The following HMG20A variants were observed in gnomAD, a reference collection of about 807,000 sequenced individuals.
HMG20A encodes the protein high mobility group 20A, also known as high mobility group protein 20A.
HMG20A carries 17 observed loss-of-function variants against 43.9 expected under a neutral mutation model. That is an observed-to-expected ratio of 0.39 (90% CI 0.27 to 0.58). The LOEUF (loss-of-function observed/expected upper bound fraction) is 0.58, where lower values mean the gene tolerates loss of function less well. Among genes scored for constraint, HMG20A ranks in the 20% least tolerant of loss-of-function variants. HMG20A has a pLI of 0.59. For missense variants in HMG20A, 341 were observed against 438.2 expected (o/e 0.78, Z 1.98); for synonymous variants, 132 against 147.5 (o/e 0.89, Z 0.76).
the HMG20A span, among the ~76,000 whole-genome samples, chr15:77,515,778 C>A: frequency 8.4e-4 from 128 of 152,236 alleles, no homozygotes; most frequent in Non-Finnish European, 1.6e-3. Flanking sequence ...ATTTGGGAAA[C>A]CTGAGACAGA....
intron 6 of HMG20A, among the ~76,000 whole-genome samples, chr15:77,474,287 T>G (rs1352235197): frequency 2.0e-5 from 3 of 152,190 alleles, no homozygotes; most frequent in Admixed American, 6.5e-5. Flanking sequence ...AGATCCTAAA[T>G]ACATACTTAT....
At position 77,433,623 on chromosome 15, in the gene HMG20A, A is replaced by G. The variant is rs60009961; in HGVS notation, c.-5+12619A>G. Among the ~76,000 whole-genome samples the G allele has an allele frequency of 1.3e-3, 202 of 152,370 alleles. 5 individuals are homozygous for G. The East Asian group carries it at 0.034, about 26-fold the overall frequency. ...CTATAGACAAACTATTAGAATTAAT[A>G]AGCAAACTTACACGAGCAACCAACA... On this transcript the variant is annotated intron_variant, in intron 1 of 9. Transcript: ENST00000336216.
intron 6 of HMG20A, among the ~76,000 whole-genome samples, chr15:77,477,163 C>T (rs1003512121): frequency 2.0e-5 from 3 of 152,172 alleles, no homozygotes; most frequent in Admixed American, 1.3e-4. Context: ...GAGCATTTTA[C>T]ATGCATAACC....
chr15:77,491,269 T>C, the HMG20A span, among the ~76,000 whole-genome samples: 1 of 152,166 alleles, frequency 6.6e-6, no homozygotes, highest in East Asian at 1.9e-4. Flanking sequence ...ACTCAGCAAA[T>C]GGGCTCCTGT....
At chr15:77,445,302 G>C (rs1455071889) in intron 1 of HMG20A, among the ~76,000 whole-genome samples, 8 of 152,222 alleles carry the variant, frequency 5.3e-5, no homozygotes, top group Non-Finnish European at 5.9e-5. Context: ...TAGAGGAACA[G>C]TGTTCCTTGA....
At chr15:77,438,495 T>C (rs1191745265) in intron 1 of HMG20A, among the ~76,000 whole-genome samples, 2 of 152,208 alleles carry the variant, frequency 1.3e-5, no homozygotes, top group East Asian at 1.9e-4. Context: ...ACAATATTAA[T>C]GTATTCACGT....
At chr15:77,444,021 C>A (rs888433954) in intron 1 of HMG20A, among the ~76,000 whole-genome samples, 21 of 152,090 alleles carry the variant, frequency 1.4e-4, no homozygotes, top group African/African-American at 5.1e-4. Context: ...TGTATCTATT[C>A]TTTTAATATA....
chr15:77,505,395 AG>A, the HMG20A span, among the ~76,000 whole-genome samples: 70 of 152,344 alleles, frequency 4.6e-4, no homozygotes, highest in Admixed American at 1.2e-3. Flanking sequence ...AGGATGGCCC[AG>A]TCACCAGATG....
chr15:77,492,314 T>C, the HMG20A span, among the ~76,000 whole-genome samples: 4 of 152,218 alleles, frequency 2.6e-5, no homozygotes, highest in African/African-American at 9.7e-5. Context: ...GTGATCTTGT[T>C]GGTGGCAAAG....
intron 2 of HMG20A, among the ~76,000 whole-genome samples, chr15:77,460,807 G>A (rs1054683925): frequency 4.6e-5 from 7 of 152,226 alleles, no homozygotes; most frequent in South Asian, 4.2e-4. Flanking sequence ...CCAACATGGT[G>A]AAACCCTGTC....
At chr15:77,450,572 A>T (rs2142311475) in intron 1 of HMG20A, among the ~76,000 whole-genome samples, 1 of 152,366 alleles carries the variant, frequency 6.6e-6, no homozygotes, top group Non-Finnish European at 1.5e-5. Flanking sequence ...TGCTACCAAT[A>T]AGAATCATTC....
intron 1 of HMG20A, 94 bp from the exon 2 acceptor site, chr15:77,458,310 T>C (rs1317435098): frequency 1.7e-5 from 13 of 756,792 alleles, no homozygotes; most frequent in South Asian, 4.9e-5. Context: ...GTTGCTTATA[T>C]GATAAAGTTC....
At chr15:77,431,513 GT>G (rs1175570972) in intron 1 of HMG20A, among the ~76,000 whole-genome samples, 4 of 151,550 alleles carry the variant, frequency 2.6e-5, no homozygotes, top group Non-Finnish European at 2.9e-5. Context: ...TGCCCAGCTG[GT>G]TTTTTTTGTT....
At chr15:77,449,514 T>C (rs1344538260) in intron 1 of HMG20A, among the ~76,000 whole-genome samples, 1 of 152,152 alleles carries the variant, frequency 6.6e-6, no homozygotes, top group Non-Finnish European at 1.5e-5. Context: ...TTTTCCTTCC[T>C]CCAGTTAAAT....
chr15:77,426,244 G>T lies in HMG20A; in HGVS notation c.-5+5240G>T, dbSNP rs192600723. 2.1e-4 allele frequency among the ~76,000 whole-genome samples: 32 copies of T among 152,200 alleles called. No individual in the cohort carries two copies. The East Asian group carries it at 5.4e-3, about 26-fold the overall frequency. ...ACAGTTGACACCTGAACAATGAGGG[G>T]GTTCGGGGTGCTAACCCCTGTGTTG... On this transcript the variant is annotated intron_variant, in intron 1 of 9. Coordinates refer to ENST00000336216, the MANE Select transcript of HMG20A (RefSeq NM_001304504.2).
chr15:77,495,805 C>T, the HMG20A span, among the ~76,000 whole-genome samples: 11 of 152,246 alleles, frequency 7.2e-5, no homozygotes, highest in African/African-American at 2.6e-4. Flanking sequence ...CCTAGAAGCC[C>T]CTCATCCAAG....
rs2072932401 is a variant in HMG20A, at chr15:77,484,628, A to G, written c.*1665A>G. 1 of 152,252 alleles carries G rather than the reference A, an allele frequency of 6.6e-6. No individual in the cohort carries two copies. The highest frequency in any genetic ancestry group is 1.5e-5 in the Non-Finnish European group (1 of 68,044). 9.4% of individuals were successfully genotyped at this position (152,252 alleles called of 1,614,324 possible). ...TTTAAAATGTCTTATATGAACATATATCAAATATCCATGCGCTGAAACCCA... is the reference window on the plus strand; with the variant it reads ...TTTAAAATGTCTTATATGAACATATGTCAAATATCCATGCGCTGAAACCCA... On this transcript the variant is annotated 3_prime_UTR_variant, in exon 10 of 10. Coordinates refer to ENST00000336216, the MANE Select transcript of HMG20A (RefSeq NM_001304504.2).
chr15:77,462,648 A>T (rs1217433768), intron 2 of HMG20A, among the ~76,000 whole-genome samples: 3 of 152,006 alleles, frequency 2.0e-5, no homozygotes, highest in Non-Finnish European at 1.5e-5. Flanking sequence ...ATTAATATTA[A>T]GTACATAATC....
intron 6 of HMG20A, among the ~76,000 whole-genome samples, chr15:77,477,062 A>G: frequency 6.6e-6 from 1 of 152,228 alleles, no homozygotes; most frequent in South Asian, 2.1e-4. Context: ...TACCAATGGA[A>G]TATCATAATT....
Sources: gnomAD v4.1 joint callset for allele counts (sites outside exome capture counted in the v4.1 genomes callset) on GRCh38, gnomAD v4.1.1 for gene constraint, MANE v1.5 for transcripts, NCBI Gene and HGNC (gene_info 2026-07-23, HGNC 2026-07-21) for gene names.